The following ADAMTSL1 variants were observed in gnomAD, a reference collection of about 807,000 sequenced individuals.
ADAMTSL1 encodes ADAMTS like 1.
A neutral mutation model predicts 201.8 loss-of-function variants in ADAMTSL1; 126 were observed. The ratio of observed to expected loss-of-function variants is 0.62; its 90% CI spans 0.54 to 0.72. ADAMTSL1 has a LOEUF of 0.72. Among genes scored for constraint, ADAMTSL1 ranks in the 30% least tolerant of loss-of-function variants. The pLI is 0.00. For missense variants in ADAMTSL1, 2,679 were observed against 2,277.8 expected (o/e 1.18, Z -3.59); for synonymous variants, 1,121 against 903.4 (o/e 1.24, Z -4.32).
chr9:18,063,175 T>C (rs1007679084), intron 1 of ADAMTSL1, among the ~76,000 whole-genome samples: 1 of 152,036 alleles, frequency 6.6e-6, no homozygotes, highest in Admixed American at 6.6e-5. Context: ...AGACTGTCTC[T>C]CTTAAAAAAA....
chr9:18,707,656 G>T (rs1374374157), intron 14 of ADAMTSL1, among the ~76,000 whole-genome samples: 2 of 152,252 alleles, frequency 1.3e-5, no homozygotes, highest in African/African-American at 4.8e-5. Flanking sequence ...CGACAGAGCT[G>T]GGACTAGAAC....
At position 18,559,140 on chromosome 9, in the gene ADAMTSL1, G is replaced by T. The variant is rs377224029; in HGVS notation, c.238-14890G>T. Among the ~76,000 whole-genome samples the T allele has an allele frequency of 1.1e-4, 16 of 152,172 alleles. 1 individual carries two copies. The East Asian group carries it at 1.2e-3, about 11-fold the overall frequency. ...TTCTTCTAGAGTTTTTATGGTTTTA[G>T]GTCTTATGTTTAAGTCTTATTCCAT... On this transcript the variant is annotated intron_variant, in intron 3 of 28. Transcript: ENST00000380548.
At chr9:17,991,798 G>A (rs1294584350) in intron 1 of ADAMTSL1, among the ~76,000 whole-genome samples, 4 of 152,222 alleles carry the variant, frequency 2.6e-5, no homozygotes, top group East Asian at 3.9e-4. Context: ...TAACTTCCTC[G>A]ATTATGCTAG....
intron 1 of ADAMTSL1, among the ~76,000 whole-genome samples, chr9:17,974,499 C>A (rs1273354074): frequency 6.6e-6 from 1 of 151,926 alleles, no homozygotes; most frequent in Non-Finnish European, 1.5e-5. Flanking sequence ...AACTTTGTAC[C>A]TTTTGACCAA....
intron 1 of ADAMTSL1, among the ~76,000 whole-genome samples, chr9:18,117,482 C>A (rs1825304433): frequency 6.6e-6 from 1 of 152,092 alleles, no homozygotes; most frequent in African/African-American, 2.4e-5. Flanking sequence ...TCCAGATACA[C>A]CCAAGACAAA....
chr9:18,336,064 T>C (rs893419645), intron 2 of ADAMTSL1, among the ~76,000 whole-genome samples: 4 of 152,158 alleles, frequency 2.6e-5, no homozygotes, highest in Non-Finnish European at 5.9e-5. Context: ...TTTTATTTCA[T>C]TGCACATAGC....
chr9:18,547,715 G>T (rs559507198), intron 3 of ADAMTSL1, among the ~76,000 whole-genome samples: 162 of 149,722 alleles, frequency 1.1e-3, no homozygotes, highest in African/African-American at 3.8e-3. Context: ...AAAAGAGGCT[G>T]TTTGATAGAC....
chr9:18,411,706 C>A (rs1404446143), intron 2 of ADAMTSL1, among the ~76,000 whole-genome samples: 1 of 152,114 alleles, frequency 6.6e-6, no homozygotes, highest in Non-Finnish European at 1.5e-5. Flanking sequence ...TCCATGACCC[C>A]CATTTTTTTA....
At chr9:18,595,547 G>T (rs1398110725) in intron 4 of ADAMTSL1, among the ~76,000 whole-genome samples, 1 of 152,232 alleles carries the variant, frequency 6.6e-6, no homozygotes, top group African/African-American at 2.4e-5. Flanking sequence ...CTTGGAATCT[G>T]CTTTGGGACA....
chr9:18,022,379 G>A (rs1009933111), intron 1 of ADAMTSL1, among the ~76,000 whole-genome samples: 1 of 152,078 alleles, frequency 6.6e-6, no homozygotes, highest in African/African-American at 2.4e-5. Flanking sequence ...TTGATGCTCG[G>A]TTATTTAAGG....
Position 18,029,581 on chromosome 9 carries a change from A to C in ADAMTSL1, c.87+122659A>C, listed in dbSNP as rs1285400230. On this transcript the variant is annotated intron_variant, in intron 1 of 29. Coordinates refer to the ADAMTSL1 transcript ENST00000680146. ...TTAAACTAAAGAGCTTCTGCACAGC[A>C]AAAGAAACTACCATCAGAGTGAACA... 3.4e-4 allele frequency among the ~76,000 whole-genome samples: 52 copies of C among 152,090 alleles called. 1 individual carries two copies. The highest frequency in any genetic ancestry group is 2.9e-5 in the Non-Finnish European group (2 of 67,986).
intron 2 of ADAMTSL1, among the ~76,000 whole-genome samples, chr9:18,527,501 A>T (rs1379062295): frequency 1.3e-5 from 2 of 152,206 alleles, no homozygotes; most frequent in African/African-American, 2.4e-5. Flanking sequence ...AAAGGCTTAT[A>T]TGAGAAGGGG....
intron 1 of ADAMTSL1, among the ~76,000 whole-genome samples, chr9:18,019,968 T>C (rs1241747557): frequency 6.6e-6 from 1 of 152,096 alleles, no homozygotes; most frequent in Admixed American, 6.5e-5. Context: ...GTGACTTCCT[T>C]ATGCCTCCTA....
intron 1 of ADAMTSL1, among the ~76,000 whole-genome samples, chr9:18,061,849 C>T (rs952499955): frequency 6.6e-6 from 1 of 152,164 alleles, no homozygotes; most frequent in Non-Finnish European, 1.5e-5. Context: ...CAAAATCTCC[C>T]GTGATAGAAA....
intron 23 of ADAMTSL1, among the ~76,000 whole-genome samples, chr9:18,839,838 G>T (rs1238290233): frequency 6.6e-6 from 1 of 151,108 alleles, no homozygotes; most frequent in Non-Finnish European, 1.5e-5. Flanking sequence ...GTCTTCTTTT[G>T]AGAAGTGTCT....
At chr9:18,614,911 G>C (rs1825605020) in intron 4 of ADAMTSL1, among the ~76,000 whole-genome samples, 1 of 151,672 alleles carries the variant, frequency 6.6e-6, no homozygotes, top group African/African-American at 2.4e-5. Flanking sequence ...TATGGGCCTT[G>C]TGTTTTGGAA....
intron 1 of ADAMTSL1, among the ~76,000 whole-genome samples, chr9:18,044,109 G>C (rs577623718): frequency 6.6e-6 from 1 of 150,786 alleles, no homozygotes; most frequent in South Asian, 2.1e-4. Context: ...TATTGCAATA[G>C]GTATAAAAAT....
chr9:18,867,564 T>A (rs922364069), intron 23 of ADAMTSL1, among the ~76,000 whole-genome samples: 2 of 152,232 alleles, frequency 1.3e-5, no homozygotes, highest in Non-Finnish European at 2.9e-5. Flanking sequence ...ATTTGTACTT[T>A]CACCTATGCC....
chr9:18,775,700 G>C, intron 17 of ADAMTSL1, 43 bp from the exon 18 acceptor site: 1 of 1,598,048 alleles, frequency 6.3e-7, no homozygotes, highest in Non-Finnish European at 8.5e-7. Context: ...TTAGCTTCTA[G>C]TTCCCAGAAT....
Sources: gnomAD v4.1 joint callset for allele counts (sites outside exome capture counted in the v4.1 genomes callset) on GRCh38, gnomAD v4.1.1 for gene constraint, MANE v1.5 for transcripts, NCBI Gene and HGNC (gene_info 2026-07-23, HGNC 2026-07-21) for gene names.